The following DLGAP2 variants were observed in gnomAD, a reference collection of about 807,000 sequenced individuals.
DLGAP2 encodes the protein disks large-associated protein 2.
In DLGAP2, 26 loss-of-function variants were observed where a neutral mutation model predicts 100.3. The ratio of observed to expected loss-of-function variants is 0.26; its 90% CI spans 0.19 to 0.36. The LOEUF (loss-of-function observed/expected upper bound fraction) is 0.36. Among genes scored for constraint, DLGAP2 ranks in the 10% least tolerant of loss-of-function variants. DLGAP2 has a pLI of 1.00. For synonymous variants in DLGAP2, 886 were observed against 630.1 expected, an observed-to-expected ratio of 1.41 and a Z score of -6.08; for missense variants, 1,858 against 1,453.2, an observed-to-expected ratio of 1.28 and a Z score of -4.53.
At chr8:1,662,474 G>A (rs547809845) in intron 8 of DLGAP2, among the ~76,000 whole-genome samples, 20 of 152,282 alleles carry the variant, frequency 1.3e-4, no homozygotes, top group East Asian at 3.9e-4. Context: ...TCTTGGACCC[G>A]TCTCTTAAAT....
At chr8:846,166 A>G (rs1797067889) in intron 1 of DLGAP2, among the ~76,000 whole-genome samples, 1 of 152,210 alleles carries the variant, frequency 6.6e-6, no homozygotes, top group Non-Finnish European at 1.5e-5. Context: ...TGTTTTAGCT[A>G]TTTTGAAATA....
At chr8:858,443 C>T (rs1797323951) in intron 1 of DLGAP2, among the ~76,000 whole-genome samples, 1 of 152,146 alleles carries the variant, frequency 6.6e-6, no homozygotes, top group Non-Finnish European at 1.5e-5. Flanking sequence ...GGTGAATGGG[C>T]GGAGCCCAGA....
At chr8:1,325,270 T>C (rs1350877309) in intron 3 of DLGAP2, among the ~76,000 whole-genome samples, 2 of 152,144 alleles carry the variant, frequency 1.3e-5, no homozygotes, top group Admixed American at 6.5e-5. Flanking sequence ...TGTCCGATGG[T>C]CTCACCAAGC....
At chr8:1,630,503 C>G (rs921713330) in intron 7 of DLGAP2, among the ~76,000 whole-genome samples, 2 of 152,014 alleles carry the variant, frequency 1.3e-5, no homozygotes, top group African/African-American at 4.8e-5. Context: ...GAGATCGAGA[C>G]CATCCTGGCT....
intron 2 of DLGAP2, among the ~76,000 whole-genome samples, chr8:1,139,462 C>A (rs912962236): frequency 2.0e-5 from 3 of 152,196 alleles, no homozygotes; most frequent in African/African-American, 7.2e-5. Context: ...AACACCCTCT[C>A]ATGTGTCCTC....
intron 8 of DLGAP2, among the ~76,000 whole-genome samples, chr8:1,638,041 G>A (rs947028802): frequency 2.6e-5 from 4 of 152,190 alleles, no homozygotes; most frequent in Non-Finnish European, 5.9e-5. Flanking sequence ...CACCCGGCCT[G>A]GAGGGAGAGG....
intron 3 of DLGAP2, among the ~76,000 whole-genome samples, chr8:1,337,759 C>G (rs1801322241): frequency 6.6e-6 from 1 of 152,124 alleles, no homozygotes; most frequent in African/African-American, 2.4e-5. Context: ...GAAAATACAA[C>G]CGATAAAATG....
rs1428859219 is a variant in DLGAP2 at position 1,669,880 on chromosome 8, C to T, written c.2202+96C>T. The T allele has an allele frequency of 1.7e-5, 13 of 762,624 alleles. No individual in the cohort carries two copies. The East Asian group carries it at 3.2e-4, about 19-fold the overall frequency. 47.2% of individuals were successfully genotyped at this position (762,624 alleles called of 1,614,324 possible). ...ATGCGACCGCTCTTGTCGCCTCTGT[C>T]CTGATTCTATGTGCCAGGCACTATG... On this transcript the variant is annotated intron_variant, in intron 10 of 14. Coordinates refer to ENST00000637795, the MANE Select transcript of DLGAP2 (RefSeq NM_001346810.2).
chr8:1,314,000 CTG>C (rs1356628428), intron 3 of DLGAP2, among the ~76,000 whole-genome samples: 1 of 152,138 alleles, frequency 6.6e-6, no homozygotes, highest in Non-Finnish European at 1.5e-5. Flanking sequence ...TCCTGTGAAA[CTG>C]TATGATACGA....
chr8:1,699,171 C>T (rs1585076701), intron 14 of DLGAP2, among the ~76,000 whole-genome samples: 1 of 152,216 alleles, frequency 6.6e-6, no homozygotes, highest in Non-Finnish European at 1.5e-5. Context: ...TGAGAGCAAA[C>T]GTGAGCCCAT....
chr8:1,251,551 G>A (rs1799040523), intron 2 of DLGAP2, among the ~76,000 whole-genome samples: 1 of 152,118 alleles, frequency 6.6e-6, no homozygotes, highest in Non-Finnish European at 1.5e-5. Flanking sequence ...ATTCTACCTC[G>A]ACCTCCCAGA....
intron 2 of DLGAP2, among the ~76,000 whole-genome samples, chr8:1,076,986 C>A (rs1019152122): frequency 7.0e-6 from 1 of 142,050 alleles, no homozygotes; most frequent in Admixed American, 7.0e-5. Flanking sequence ...CTGTCCCGGG[C>A]CCCCCCAAGA....
At chr8:1,215,069 C>T (rs916979632) in intron 2 of DLGAP2, among the ~76,000 whole-genome samples, 2 of 152,188 alleles carry the variant, frequency 1.3e-5, no homozygotes, top group African/African-American at 4.8e-5. Flanking sequence ...AAATCAACGT[C>T]ATCCATGCAG....
chr8:1,678,843 G>C, intron 12 of DLGAP2: 1 of 511,016 alleles, frequency 2.0e-6, no homozygotes. Context: ...AAAATTGTGT[G>C]TGTTTTGTCA....
At chr8:1,256,856 C>G (rs1799233632) in intron 2 of DLGAP2, among the ~76,000 whole-genome samples, 1 of 152,148 alleles carries the variant, frequency 6.6e-6, no homozygotes, top group South Asian at 2.1e-4. Context: ...CCCGTGTCCC[C>G]TGGGTAACAG....
intron 6 of DLGAP2, among the ~76,000 whole-genome samples, chr8:1,613,386 C>G (rs142678411): frequency 0.013 from 1,903 of 144,280 alleles, 39 homozygotes; most frequent in African/African-American, 0.046. Flanking sequence ...ACTCTGGGGA[C>G]TGTGGTGGGG....
At chr8:1,330,240 TGGGAGCACCGCTTCGCA>T (rs1801117888) in intron 3 of DLGAP2, among the ~76,000 whole-genome samples, 1 of 147,214 alleles carries the variant, frequency 6.8e-6, no homozygotes, top group South Asian at 2.2e-4. Flanking sequence ...GAGTTCTGGG[TGGGAGCACCGCTTCGCA>T]GGGACTGAGT....
At chr8:912,015 T>C (rs1397985961) in intron 2 of DLGAP2, among the ~76,000 whole-genome samples, 1 of 152,226 alleles carries the variant, frequency 6.6e-6, no homozygotes, top group Non-Finnish European at 1.5e-5. Flanking sequence ...TTCTTTTCTT[T>C]AGGCTGCACA....
chr8:797,108 A>G (rs565871669), intron 1 of DLGAP2, among the ~76,000 whole-genome samples: 5 of 152,326 alleles, frequency 3.3e-5, no homozygotes, highest in African/African-American at 1.2e-4. Flanking sequence ...ATGAACAGGT[A>G]TTAAGTGAGT....
Sources: allele counts gnomAD v4.1 joint callset (sites outside exome capture counted in the v4.1 genomes callset), GRCh38; gene constraint gnomAD v4.1.1; transcripts MANE v1.5; gene names NCBI Gene and HGNC (gene_info 2026-07-23, HGNC 2026-07-21).